CRYBG3: variants seen among roughly 807,000 people sequenced by gnomAD.
CRYBG3 encodes the protein very large A-kinase anchor protein.
Under a neutral mutation model 244.2 loss-of-function variants are expected in CRYBG3, and 127 were observed. That is an observed-to-expected ratio of 0.52 (90% CI 0.45 to 0.60). CRYBG3 has a LOEUF of 0.60. Among genes scored for constraint, CRYBG3 ranks in the 20% least tolerant of loss-of-function variants. CRYBG3 has a pLI of 0.00. For synonymous variants in CRYBG3, 1,132 were observed against 1,195.8 expected, an observed-to-expected ratio of 0.95 and a Z score of 1.10; for missense variants, 3,325 against 3,442.5, an observed-to-expected ratio of 0.97 and a Z score of 0.85.
chr3:97,892,198 C>T (rs993591725), intron 10 of CRYBG3, among the ~76,000 whole-genome samples: 5 of 152,130 alleles, frequency 3.3e-5, no homozygotes, highest in Non-Finnish European at 4.4e-5. Context: ...CGGAGCATAA[C>T]GGTCTTGGTA....
chr3:97,866,928 C>CT (rs2039240068), intron 3 of CRYBG3: 1 of 152,174 alleles, frequency 6.6e-6, no homozygotes, highest in African/African-American at 2.4e-5. Context: ...TGCCGGCTTC[C>CT]TTCAGGCCTA....
intron 2 of CRYBG3, among the ~76,000 whole-genome samples, chr3:97,847,759 G>A (rs945567491): frequency 1.3e-5 from 2 of 152,136 alleles, no homozygotes; most frequent in African/African-American, 4.8e-5. Flanking sequence ...TTTTAGAAAT[G>A]CTGCTCATGA....
intron 1 of CRYBG3, among the ~76,000 whole-genome samples, chr3:97,833,251 GAC>G (rs1208829615): frequency 6.6e-6 from 1 of 152,154 alleles, no homozygotes; most frequent in Admixed American, 6.5e-5. Flanking sequence ...CTGCTATAAA[GAC>G]ACATGCACAC....
At chr3:97,854,779 A>G (rs184712175) in intron 2 of CRYBG3, among the ~76,000 whole-genome samples, 1 of 152,108 alleles carries the variant, frequency 6.6e-6, no homozygotes, top group Admixed American at 6.5e-5. Context: ...TTCTCTAGAA[A>G]CACGATCATA....
At chr3:97,896,193 C>A in intron 12 of CRYBG3, 108 bp downstream of exon 12, 1 of 1,071,734 alleles carries the variant, frequency 9.3e-7, no homozygotes, top group Non-Finnish European at 1.3e-6. Context: ...TTCTAACACC[C>A]AAGAGTATTA....
intron 3 of CRYBG3, among the ~76,000 whole-genome samples, chr3:97,868,037 A>G (rs1240294212): frequency 4.6e-5 from 7 of 152,172 alleles, no homozygotes; most frequent in Admixed American, 4.6e-4. Context: ...TAATCCCAGC[A>G]CTTTGGGAGG....
intron 15 of CRYBG3, among the ~76,000 whole-genome samples, chr3:97,907,174 C>T (rs1267554751): frequency 6.6e-6 from 1 of 152,118 alleles, no homozygotes; most frequent in African/African-American, 2.4e-5. Context: ...ATTTTTGCAT[C>T]AATGTTCATC....
intron 17 of CRYBG3, among the ~76,000 whole-genome samples, chr3:97,921,254 T>A (rs1296332837): frequency 6.6e-6 from 1 of 152,192 alleles, no homozygotes; most frequent in Admixed American, 6.6e-5. Context: ...GACTTTTGTC[T>A]GCCTTAATAT....
At chr3:97,870,575 T>G (rs2039290952) in intron 3 of CRYBG3, among the ~76,000 whole-genome samples, 1 of 152,218 alleles carries the variant, frequency 6.6e-6, no homozygotes, top group Non-Finnish European at 1.5e-5. Flanking sequence ...TTTTTGCTAT[T>G]GTGGATAGTG....
At chr3:97,916,567 A>G (rs1383317317) in intron 17 of CRYBG3, among the ~76,000 whole-genome samples, 1 of 152,136 alleles carries the variant, frequency 6.6e-6, no homozygotes, top group African/African-American at 2.4e-5. Context: ...CCTTGGGGAT[A>G]TGTTTGGTCA....
intron 2 of CRYBG3, among the ~76,000 whole-genome samples, chr3:97,853,483 T>C (rs2039019154): frequency 6.6e-6 from 1 of 152,012 alleles, no homozygotes; most frequent in Admixed American, 6.6e-5. Context: ...GCTGGTTCCA[T>C]ATTTTTGCAA....
At chr3:97,823,410 T>G (rs1354724264) in intron 1 of CRYBG3, among the ~76,000 whole-genome samples, 1 of 152,204 alleles carries the variant, frequency 6.6e-6, no homozygotes, top group African/African-American at 2.4e-5. Context: ...ATTCAGATTT[T>G]GTGATGTGAT....
intron 11 of CRYBG3, among the ~76,000 whole-genome samples, chr3:97,893,231 T>A (rs1282468511): frequency 6.6e-6 from 1 of 152,226 alleles, no homozygotes; most frequent in Admixed American, 6.5e-5. Context: ...ACCTTGTATT[T>A]CTGAACACAG....
chr3:97,827,370 A>T (rs2038592414), intron 1 of CRYBG3, among the ~76,000 whole-genome samples: 1 of 152,196 alleles, frequency 6.6e-6, no homozygotes, highest in African/African-American at 2.4e-5. Context: ...AACACCAGGA[A>T]GGTTGATGCT....
At position 97,942,305 on chromosome 3, in the gene CRYBG3, G is replaced by A; in HGVS notation, c.8686G>A (p.Val2896Met). The A allele has an allele frequency of 6.2e-7, 1 of 1,610,564 alleles. No individual in the cohort carries two copies. Among genetic ancestry groups the A allele is most frequent in the Non-Finnish European group, 8.5e-7 (1 of 1,177,926 alleles). ...KSKASDTCLD[V>M]IGGRDTPGAK... ...TTAGGCCAGTGATACATGTCTTGAT[G>A]TGATTGGTGGCCGGGACACACCTGG... is the stretch of plus-strand genomic sequence containing the variant. Residue 2896 changes from valine to methionine, a missense_variant, in exon 21 of 22, where the codon GTG becomes ATG. Val to Met is a conservative substitution (Grantham distance 21). This residue lies in a region of CRYBG3 where 714 missense variants were observed against 803.6 expected (regional missense o/e 0.89). Coordinates refer to ENST00000389622, the MANE Select transcript of CRYBG3 (RefSeq NM_153605.4).
rs185259328 is a variant in CRYBG3 at position 97,933,004 on chromosome 3, C to T, written c.8242-690C>T. 77 of 390,446 alleles carry T rather than the reference C, an allele frequency of 2.0e-4. 1 individual carries two copies. The Admixed American group carries it at 2.6e-3, about 13-fold the overall frequency. 24.2% of individuals were successfully genotyped at this position (390,446 alleles called of 1,614,324 possible). On this transcript the variant is annotated intron_variant, in intron 17 of 21. Transcript: ENST00000389622. ...ACTGGATTACATTACAATATCTGTA[C>T]AGTTTTAATTTAACTATTTGTTAGT... is the stretch of plus-strand genomic sequence containing the variant.
chr3:97,835,783 T>C (rs1559713083), intron 1 of CRYBG3, among the ~76,000 whole-genome samples: 1 of 152,088 alleles, frequency 6.6e-6, no homozygotes, highest in Non-Finnish European at 1.5e-5. Context: ...GGGTCTCCAG[T>C]GCGCTGTCTT....
chr3:97,882,920 G>A (rs2039467299), intron 7 of CRYBG3, among the ~76,000 whole-genome samples: 1 of 152,188 alleles, frequency 6.6e-6, no homozygotes, highest in African/African-American at 2.4e-5. Flanking sequence ...ACTGTGGTGT[G>A]CACAGGGAAT....
Position 97,873,249 on chromosome 3 carries a change from T to G in CRYBG3, c.2055T>G (p.Thr685=). The G allele has an allele frequency of 2.0e-6, 3 of 1,535,250 alleles. No homozygotes were observed. Among genetic ancestry groups the G allele is most frequent in the Non-Finnish European group, 2.6e-6 (3 of 1,146,602 alleles). Residue 685 remains threonine, a synonymous_variant, in exon 4 of 22, where the codon ACT becomes ACG. Transcript: ENST00000389622. ...MNEGSPVPIE[T]GNVNIVGISY... ...AGGGTTCTCCTGTGCCCATTGAAACTGGGAATGTCAACATTGTTGGTATTT... is the reference window on the plus strand; with the variant it reads ...AGGGTTCTCCTGTGCCCATTGAAACGGGGAATGTCAACATTGTTGGTATTT...
Sources: gnomAD v4.1 joint callset for allele counts (sites outside exome capture counted in the v4.1 genomes callset) on GRCh38, gnomAD v4.1.1 for gene constraint, gnomAD v4.1.1 regional missense constraint, MANE v1.5 for transcripts, NCBI Gene and HGNC (gene_info 2026-07-23, HGNC 2026-07-21) for gene names.